MSRA: variants seen among roughly 807,000 people sequenced by gnomAD.
MSRA encodes the protein mitochondrial peptide methionine sulfoxide reductase.
A neutral mutation model predicts 31.3 loss-of-function variants in MSRA; 54 were observed. The observed-to-expected ratio is 1.73, with a 90% CI of 1.39 to 2.17. MSRA has a LOEUF of 2.17. Ranked by LOEUF, MSRA falls within the 30% of genes most tolerant of loss-of-function variation. MSRA has a pLI of 0.00. For missense variants in MSRA, 507 were observed against 300.9 expected (o/e 1.69, Z -5.07); for synonymous variants, 169 against 116.5 (o/e 1.45, Z -2.90).
chr8:10,211,967 G>T (rs1244238452), intron 2 of MSRA, among the ~76,000 whole-genome samples: 1 of 152,056 alleles, frequency 6.6e-6, no homozygotes, highest in African/African-American at 2.4e-5. Flanking sequence ...GGTGGAAAAT[G>T]GAGGGCAGGG....
intron 5 of MSRA, among the ~76,000 whole-genome samples, chr8:10,367,573 C>G (rs1449911439): frequency 6.6e-6 from 1 of 152,192 alleles, no homozygotes; most frequent in African/African-American, 2.4e-5. Flanking sequence ...TATCTCAGAT[C>G]ACTTAATTCA....
At chr8:10,085,175 G>GGCCT (rs1798495643) in intron 1 of MSRA, among the ~76,000 whole-genome samples, 1 of 152,108 alleles carries the variant, frequency 6.6e-6, no homozygotes, top group Non-Finnish European at 1.5e-5. Flanking sequence ...CCCTCCTGTG[G>GGCCT]GCCTCTGTTT....
intron 1 of MSRA, among the ~76,000 whole-genome samples, chr8:10,157,201 T>G (rs1473298221): frequency 6.6e-6 from 1 of 152,132 alleles, no homozygotes; most frequent in Non-Finnish European, 1.5e-5. Flanking sequence ...ATTACATTTT[T>G]AAAGGAAATT....
chr8:10,264,814 C>A (rs1406931551), intron 3 of MSRA, among the ~76,000 whole-genome samples: 4 of 152,154 alleles, frequency 2.6e-5, no homozygotes, highest in African/African-American at 9.7e-5. Context: ...GCGGAGGGCA[C>A]TGGAAAGTCA....
intron 1 of MSRA, among the ~76,000 whole-genome samples, chr8:10,075,452 C>G (rs1364813172): frequency 6.6e-6 from 1 of 152,120 alleles, no homozygotes; most frequent in Non-Finnish European, 1.5e-5. Flanking sequence ...GGCTGACTTT[C>G]CAAGCAGTTA....
intron 3 of MSRA, among the ~76,000 whole-genome samples, chr8:10,286,133 GA>G: frequency 6.6e-6 from 1 of 152,160 alleles, no homozygotes; most frequent in African/African-American, 2.4e-5. Flanking sequence ...TCCATTCTAG[GA>G]TCTTCTTCCT....
chr8:10,377,187 G>A (rs776689787), intron 5 of MSRA, among the ~76,000 whole-genome samples: 1 of 152,280 alleles, frequency 6.6e-6, no homozygotes, highest in Non-Finnish European at 1.5e-5. Context: ...TGCTGTACAG[G>A]TGGAACTAAC....
chr8:10,099,493 T>C (rs1244264349), intron 1 of MSRA, among the ~76,000 whole-genome samples: 2 of 152,202 alleles, frequency 1.3e-5, no homozygotes, highest in Admixed American at 6.5e-5. Flanking sequence ...TCGCCTGTTA[T>C]TCCATGTAAT....
intron 1 of MSRA, among the ~76,000 whole-genome samples, chr8:10,075,002 T>C (rs886599597): frequency 1.3e-5 from 2 of 152,228 alleles, no homozygotes; most frequent in African/African-American, 2.4e-5. Flanking sequence ...TGTTTACCCA[T>C]TACTGCCAAC....
intron 3 of MSRA, among the ~76,000 whole-genome samples, chr8:10,262,341 A>C (rs1585305558): frequency 6.6e-6 from 1 of 152,210 alleles, no homozygotes; most frequent in Non-Finnish European, 1.5e-5. Context: ...TGCTACCAGC[A>C]GTGAGTGGGA....
At chr8:10,290,301 A>G (rs536355394) in intron 3 of MSRA, among the ~76,000 whole-genome samples, 12 of 152,230 alleles carry the variant, frequency 7.9e-5, no homozygotes, top group Non-Finnish European at 1.5e-4. Flanking sequence ...GGACATCCCA[A>G]TAGTGGCATG....
chr8:10,284,951 A>G (rs932032864), intron 3 of MSRA, among the ~76,000 whole-genome samples: 1 of 152,160 alleles, frequency 6.6e-6, no homozygotes, highest in Non-Finnish European at 1.5e-5. Context: ...GTGAGAATTT[A>G]AAGACATTCG....
chr8:10,282,184 A>G (rs541226953), intron 3 of MSRA, among the ~76,000 whole-genome samples: 11 of 152,378 alleles, frequency 7.2e-5, no homozygotes, highest in Admixed American at 4.6e-4. Flanking sequence ...AACAAGTTTT[A>G]TAAACATTCT....
intron 3 of MSRA, among the ~76,000 whole-genome samples, chr8:10,256,171 G>A (rs561258670): frequency 2.0e-5 from 3 of 152,024 alleles, no homozygotes; most frequent in South Asian, 2.1e-4. Context: ...TGATCTTTTC[G>A]GAGTCTTCAT....
Position 10,428,776 on chromosome 8 carries a change from T to C in MSRA, c.*464T>C, listed in dbSNP as rs912342217. The C allele has an allele frequency of 5.1e-5, 9 of 174,930 alleles. No homozygotes were observed. In the Admixed American group the frequency reaches 5.7e-4, roughly 11 times the overall value. 10.8% of individuals were successfully genotyped at this position (174,930 alleles called of 1,614,324 possible). ...CATACATAAGGGGCTTTCTCTCCCT[T>C]TTCAGCCCTCTCTGTGCAGAGAAAA... On this transcript the variant is annotated 3_prime_UTR_variant, in exon 6 of 6. Coordinates refer to ENST00000317173, the MANE Select transcript of MSRA (RefSeq NM_012331.5).
At chr8:10,059,571 C>G (rs544908703) in intron 1 of MSRA, among the ~76,000 whole-genome samples, 1 of 152,290 alleles carries the variant, frequency 6.6e-6, no homozygotes, top group East Asian at 1.9e-4. Flanking sequence ...AAAGCCATGA[C>G]TTAACCATGA....
At chr8:10,368,445 C>G (rs1405433149) in intron 5 of MSRA, among the ~76,000 whole-genome samples, 2 of 152,176 alleles carry the variant, frequency 1.3e-5, no homozygotes, top group Non-Finnish European at 2.9e-5. Flanking sequence ...TGACTCCTTC[C>G]AGGGGCTGTG....
At chr8:10,308,050 C>A (rs1585424190) in intron 4 of MSRA, among the ~76,000 whole-genome samples, 1 of 152,204 alleles carries the variant, frequency 6.6e-6, no homozygotes, top group African/African-American at 2.4e-5. Flanking sequence ...GGTGGACCAT[C>A]ACGAAGCCCA....
intron 3 of MSRA, among the ~76,000 whole-genome samples, chr8:10,285,301 C>A (rs952275270): frequency 2.0e-5 from 3 of 152,112 alleles, no homozygotes; most frequent in Non-Finnish European, 2.9e-5. Flanking sequence ...TAACAACTTT[C>A]TTTTATTAAG....
Sources: gnomAD v4.1 joint callset for allele counts (sites outside exome capture counted in the v4.1 genomes callset) on GRCh38, gnomAD v4.1.1 for gene constraint, MANE v1.5 for transcripts, NCBI Gene and HGNC (gene_info 2026-07-23, HGNC 2026-07-21) for gene names.